The following KNG1 variants were observed in gnomAD, a reference collection of about 807,000 sequenced individuals.
KNG1 encodes the protein kininogen-1.
In KNG1, 23 loss-of-function variants were observed where a neutral mutation model predicts 47.8. That is an observed-to-expected ratio of 0.48 (90% CI 0.35 to 0.68). KNG1 has a LOEUF of 0.68. Among genes scored for constraint, KNG1 ranks in the 30% least tolerant of loss-of-function variants. KNG1 has a pLI of 0.01. For missense variants in KNG1, 762 were observed against 790.2 expected (o/e 0.96, Z 0.43); for synonymous variants, 277 against 277.0 (o/e 1.00, Z 0.00).
Position 186,743,949 on chromosome 3 carries a change from C to A in KNG1, c.*1618C>A. The stretch of plus-strand genomic sequence containing the variant: ...ATAAAGATCAGTCTTGATGTTCTAA[C>A]TCTAATTCACAGTGGTCTCCTTTCA... On this transcript the variant is annotated 3_prime_UTR_variant, in exon 10 of 10. Coordinates refer to ENST00000644859, the MANE Select transcript of KNG1 (RefSeq NM_001102416.3). The A allele has an allele frequency of 1.5e-6, 1 of 677,956 alleles. No individual in the cohort carries two copies. Among genetic ancestry groups the A allele is most frequent in the Non-Finnish European group, 2.7e-6 (1 of 371,104 alleles). The allele number at this position is 677,956 out of a possible 1,614,324, so 42.0% of individuals were successfully genotyped here.
intron 5 of KNG1, among the ~76,000 whole-genome samples, chr3:186,730,665 AAAAAAAAAAAAAAAAAAAATATATAT>A (rs1379445916): frequency 1.2e-4 from 9 of 73,796 alleles, no homozygotes; most frequent in South Asian, 4.2e-4. Flanking sequence ...CAAAAAAAAA[AAAAAAAAAAAAAAAAAAAATATATAT>A]ATATATATAT....
At chr3:186,723,034 A>C (rs1720249630) in intron 3 of KNG1, among the ~76,000 whole-genome samples, 1 of 151,986 alleles carries the variant, frequency 6.6e-6, no homozygotes, top group Non-Finnish European at 1.5e-5. Flanking sequence ...ATTAGCAACA[A>C]TCAGGATAAA....
chr3:186,742,944 A>G lies in KNG1; in HGVS notation c.*613A>G. On this transcript the variant is annotated 3_prime_UTR_variant, in exon 10 of 10. Transcript: ENST00000644859. ...AACTTCCAGATTTCAAAGTAACAAG[A>G]AAGAAGACAGGTTGGCCAAAGGGAG... is the stretch of plus-strand genomic sequence containing the variant. 1 of 984,544 alleles carries G rather than the reference A, an allele frequency of 1.0e-6. No homozygotes were observed. The highest frequency in any genetic ancestry group is 4.7e-5 in the South Asian group (1 of 21,266). 61.0% of individuals were successfully genotyped at this position (984,544 alleles called of 1,614,324 possible). A position where few individuals can be genotyped will look rare whatever the true frequency, so the allele number is the denominator to read the frequency against.
intron 5 of KNG1, among the ~76,000 whole-genome samples, chr3:186,730,715 T>TATATAC: frequency 9.1e-6 from 1 of 109,458 alleles, no homozygotes; most frequent in East Asian, 2.7e-4. Context: ...TATATATATA[T>TATATAC]ACACACACAC....
chr3:186,742,316 T>C lies in KNG1; in HGVS notation c.1920T>C (p.Thr640=). ...AAGAATCTTATTATTTCGATCTCACTGATGGCCTTTCTTAATTTAAGTGGC... is the reference window on the plus strand; with the variant it reads ...AAGAATCTTATTATTTCGATCTCACCGATGGCCTTTCTTAATTTAAGTGGC... ...QMKESYYFDL[T]DGLS Residue 640 remains threonine, a synonymous_variant, in exon 10 of 10, where the codon ACT becomes ACC. Coordinates refer to ENST00000644859, the MANE Select transcript of KNG1 (RefSeq NM_001102416.3). 6.2e-7 allele frequency: 1 copy of C among 1,614,012 alleles called. No homozygotes were observed. The highest frequency in any genetic ancestry group is 8.5e-7 in the Non-Finnish European group (1 of 1,179,926).
chr3:186,732,698 C>T (rs558150772), intron 7 of KNG1, 24 bp downstream of exon 7: 45 of 1,586,386 alleles, frequency 2.8e-5, no homozygotes, highest in Non-Finnish European at 3.5e-5. Context: ...ACTACAAAAG[C>T]AGTAACACTA....
chr3:186,731,131 G>C (rs1288446043), intron 5 of KNG1, among the ~76,000 whole-genome samples: 2 of 152,020 alleles, frequency 1.3e-5, no homozygotes, highest in East Asian at 3.9e-4. Flanking sequence ...TGTAGTTCCT[G>C]CTACGTTTAT....
intron 5 of KNG1, chr3:186,728,261 C>T (rs1170297660): frequency 6.6e-6 from 1 of 152,086 alleles, no homozygotes; most frequent in Non-Finnish European, 1.5e-5. Flanking sequence ...GAGCAGAAGA[C>T]TGTGCTTTAG....
In KNG1 at chr3:186,742,812, G is replaced by A; in HGVS notation, c.*481G>A. 1 of 967,624 alleles carries A rather than the reference G, an allele frequency of 1.0e-6. No homozygotes were observed. The highest frequency in any genetic ancestry group is 1.2e-6 in the Non-Finnish European group (1 of 811,950). 59.9% of individuals were successfully genotyped at this position (967,624 alleles called of 1,614,324 possible). On this transcript the variant is annotated 3_prime_UTR_variant, in exon 10 of 10. Transcript: ENST00000644859. The stretch of plus-strand genomic sequence containing the variant: ...GAGGCTGGAGAATTGCTTGAACCCG[G>A]GAGGCGGAGGTTGCAGTGAGCCGAG...
At chr3:186,730,411 C>A (rs1210478780) in intron 5 of KNG1, among the ~76,000 whole-genome samples, 1 of 151,452 alleles carries the variant, frequency 6.6e-6, no homozygotes, top group Non-Finnish European at 1.5e-5. Context: ...TGCCTGTAAT[C>A]CCAGCATTTT....
intron 6 of KNG1, 93 bp from the exon 7 acceptor site, chr3:186,732,409 T>A: frequency 4.9e-6 from 6 of 1,226,132 alleles, no homozygotes; most frequent in Non-Finnish European, 7.2e-6. Context: ...ATGTAGCCCC[T>A]TATACATGTG....
chr3:186,731,407 T>G, intron 5 of KNG1, 138 bp from the exon 6 acceptor site: 1 of 658,238 alleles, frequency 1.5e-6, no homozygotes, highest in Non-Finnish European at 2.8e-6. Flanking sequence ...GCAGTAAGAC[T>G]ATGTTTTGCT....
At position 186,742,365 on chromosome 3, in the gene KNG1, A is replaced by AT; in HGVS notation, c.*36dup. 6.2e-7 allele frequency: 1 copy of AT among 1,611,084 alleles called. No homozygotes were observed. Among genetic ancestry groups the AT allele is most frequent in the Non-Finnish European group, 8.5e-7 (1 of 1,179,902 alleles). On this transcript the variant is annotated 3_prime_UTR_variant, in exon 10 of 10. Transcript: ENST00000644859. ...GCTATGGGTATTTCTTTCATACTTT[A>AT]TTAAAGTATCAATATCCCTCTCTCC...
In KNG1 at chr3:186,720,157, G is replaced by A. The variant is rs757540715; in HGVS notation, c.248G>A (p.Cys83Tyr). 1 of 1,614,044 alleles carries A rather than the reference G, an allele frequency of 6.2e-7. No homozygotes were observed. The highest frequency in any genetic ancestry group is 2.2e-5 in the East Asian group (1 of 44,886). ...AAGTACGAAATCAAGGAGGGGGATT[G>A]TCCTGTTCAAAGTGGCAAAACCTGG... is the stretch of plus-strand genomic sequence containing the variant. ...SFKYEIKEGDCPVQSGKTWQD... is the reference protein window; with the variant it reads ...SFKYEIKEGDYPVQSGKTWQD... Residue 83 changes from cysteine to tyrosine, a missense_variant, in exon 2 of 10, where the codon TGT (cysteine) becomes TAT (tyrosine). By Grantham distance (194) the Cys-to-Tyr change is radical. Coordinates refer to ENST00000644859, the MANE Select transcript of KNG1 (RefSeq NM_001102416.3).
At chr3:186,739,251 T>C (rs749385862) in intron 8 of KNG1, 45 bp downstream of exon 8, 2 of 1,587,798 alleles carry the variant, frequency 1.3e-6, no homozygotes, top group South Asian at 2.2e-5. Context: ...GAAGCCTATT[T>C]GATGTTTTTA....
At chr3:186,740,471 C>A (rs1720781267) in intron 9 of KNG1, among the ~76,000 whole-genome samples, 3 of 152,220 alleles carry the variant, frequency 2.0e-5, no homozygotes, top group Admixed American at 2.0e-4. Context: ...CATCACGATG[C>A]TGATTACCAG....
At chr3:186,740,110 T>C (rs577076536) in intron 9 of KNG1, among the ~76,000 whole-genome samples, 29 of 152,212 alleles carry the variant, frequency 1.9e-4, no homozygotes, top group Admixed American at 2.6e-4. Context: ...GCTACCGAAT[T>C]TTAACCAGAT....
chr3:186,722,281 A>T lies in KNG1; in HGVS notation c.307-156A>T, dbSNP rs180931274. Among the ~76,000 whole-genome samples the T allele has an allele frequency of 1.4e-3, 220 of 152,300 alleles. 2 individuals carry two copies. Among genetic ancestry groups the T allele is most frequent in the African/African-American group, 5.1e-3 (212 of 41,576 alleles). ...ATATAAAGTAATCATTAGGCTATTA[A>T]AAAAATTTATTCTCATGTCTCAAAA... On this transcript the variant is annotated intron_variant, in intron 2 of 9. Coordinates refer to ENST00000644859, the MANE Select transcript of KNG1 (RefSeq NM_001102416.3).
rs192382028 is a variant in KNG1 at position 186,743,790 on chromosome 3, T to C, written c.*1459T>C. ...TCTGAGAGGGAGGTCTCTTGACCAA[T>C]GGGCAGAATCTTCACTCCAGGCACA... On this transcript the variant is annotated 3_prime_UTR_variant, in exon 10 of 10. Coordinates refer to ENST00000644859, the MANE Select transcript of KNG1 (RefSeq NM_001102416.3). 73 of 1,611,970 alleles carry C rather than the reference T, an allele frequency of 4.5e-5. No individual in the cohort carries two copies. In the Admixed American group the frequency reaches 1.0e-3, roughly 22 times the overall value.
Sources: allele counts gnomAD v4.1 joint callset (sites outside exome capture counted in the v4.1 genomes callset), GRCh38; gene constraint gnomAD v4.1.1; transcripts MANE v1.5; gene names NCBI Gene and HGNC (gene_info 2026-07-23, HGNC 2026-07-21).